JAK1: variants seen among roughly 807,000 people sequenced by gnomAD.
JAK1 encodes Janus kinase 1.
Under a neutral mutation model 136.6 loss-of-function variants are expected in JAK1, and 16 were observed. The ratio of observed to expected loss-of-function variants is 0.12; its 90% CI spans 0.08 to 0.18. JAK1 has a LOEUF of 0.18. Among genes scored for constraint, JAK1 ranks in the 10% least tolerant of loss-of-function variants. The probability of loss-of-function intolerance (pLI) is 1.00; values close to 1 mark genes in which losing one functional copy is unlikely to be tolerated. For missense variants in JAK1, 859 were observed against 1,450.1 expected (o/e 0.59, Z 6.62); for synonymous variants, 492 against 519.5 (o/e 0.95, Z 0.72).
intron 2 of JAK1, among the ~76,000 whole-genome samples, chr1:64,998,683 T>C (rs1286181490): frequency 1.3e-5 from 2 of 152,158 alleles, no homozygotes; most frequent in African/African-American, 2.4e-5. Context: ...GTCTTTTCCA[T>C]GCTATTCTTG....
At chr1:64,847,019 T>A (rs1013782492) in intron 13 of JAK1, 1 of 512,386 alleles carries the variant, frequency 2.0e-6, no homozygotes, top group Non-Finnish European at 3.5e-6. Flanking sequence ...TGGATACTCA[T>A]GCCCACCTCT....
At chr1:64,861,418 T>C (rs370849469) in intron 8 of JAK1, among the ~76,000 whole-genome samples, 51 of 152,204 alleles carry the variant, frequency 3.4e-4, no homozygotes, top group African/African-American at 1.1e-3. Context: ...GAAAGACACC[T>C]GTGTTGTAGA....
intron 2 of JAK1, among the ~76,000 whole-genome samples, chr1:65,008,454 A>G (rs2100764939): frequency 6.6e-6 from 1 of 151,786 alleles, no homozygotes; most frequent in Non-Finnish European, 1.5e-5. Context: ...TTTTTTCTTT[A>G]AGAGACAGAG....
intron 2 of JAK1, among the ~76,000 whole-genome samples, chr1:64,982,989 T>C (rs1010493486): frequency 6.6e-6 from 1 of 152,142 alleles, no homozygotes; most frequent in Non-Finnish European, 1.5e-5. Context: ...CACTGCTATG[T>C]GCATTTTTAT....
chr1:64,859,835 C>A, intron 9 of JAK1: 1 of 255,014 alleles, frequency 3.9e-6, no homozygotes, highest in Non-Finnish European at 7.5e-6. Context: ...AAGTGTAGTA[C>A]TTCTTGATCA....
At chr1:64,839,834 C>A in intron 19 of JAK1, 39 bp from the exon 20 acceptor site, 1 of 1,514,860 alleles carries the variant, frequency 6.6e-7, no homozygotes, top group East Asian at 2.3e-5. Context: ...CAGGGAAGCC[C>A]CATCGTAGGC....
chr1:64,840,352 C>T (rs1343845314), intron 19 of JAK1, among the ~76,000 whole-genome samples: 2 of 152,184 alleles, frequency 1.3e-5, no homozygotes, highest in African/African-American at 4.8e-5. Flanking sequence ...GGCACAGTGG[C>T]TGGCACACAG....
At chr1:64,970,096 C>A (rs1004288281), upstream of JAK1, among the ~76,000 whole-genome samples, 1 of 119,930 alleles carries the variant, frequency 8.3e-6, no homozygotes, top group Non-Finnish European at 1.6e-5. Flanking sequence ...TATGGTGCCA[C>A]TGCACTGAAG....
intron 2 of JAK1, among the ~76,000 whole-genome samples, chr1:65,003,189 G>A (rs1015832753): frequency 1.3e-5 from 2 of 152,052 alleles, no homozygotes; most frequent in Non-Finnish European, 2.9e-5. Context: ...AGAAAAGCGT[G>A]GGTGGGTGTC....
At chr1:64,893,706 A>C (rs1644972613) in intron 1 of JAK1, among the ~76,000 whole-genome samples, 1 of 152,260 alleles carries the variant, frequency 6.6e-6, no homozygotes, top group Admixed American at 6.5e-5. Context: ...AACTGAAAAA[A>C]GAAACAAATA....
intron 2 of JAK1, among the ~76,000 whole-genome samples, chr1:64,981,354 A>G (rs1451208800): frequency 6.6e-6 from 1 of 152,058 alleles, no homozygotes; most frequent in Admixed American, 6.6e-5. Context: ...TGTTGGTGCT[A>G]TATCTCCTTG....
chr1:64,928,288 G>A (rs972552023), intron 1 of JAK1, among the ~76,000 whole-genome samples: 6 of 152,192 alleles, frequency 3.9e-5, no homozygotes, highest in African/African-American at 1.2e-4. Flanking sequence ...GAGCAGAGAA[G>A]CCTGAAAGTT....
At chr1:64,968,582 A>T (rs189817710), upstream of JAK1, among the ~76,000 whole-genome samples, 1 of 152,122 alleles carries the variant, frequency 6.6e-6, no homozygotes, top group Admixed American at 6.5e-5. Flanking sequence ...TGAGGCCAGG[A>T]GTTTGACACC....
chr1:65,062,340 T>G (rs1422293860), intron 1 of JAK1, among the ~76,000 whole-genome samples: 1 of 152,236 alleles, frequency 6.6e-6, no homozygotes, highest in African/African-American at 2.4e-5. Flanking sequence ...CAGTTTTATA[T>G]GCCAGCTAAC....
intron 2 of JAK1, among the ~76,000 whole-genome samples, chr1:65,025,973 C>G (rs1185613551): frequency 2.0e-5 from 3 of 152,172 alleles, no homozygotes; most frequent in Non-Finnish European, 4.4e-5. Flanking sequence ...GCCACCACAC[C>G]CAGCCAAACC....
At chr1:64,903,888 G>A (rs2101490554) in intron 1 of JAK1, among the ~76,000 whole-genome samples, 1 of 152,270 alleles carries the variant, frequency 6.6e-6, no homozygotes, top group South Asian at 2.1e-4. Context: ...TCACAATCAA[G>A]CTCTAATTTG....
chr1:64,985,272 A>T (rs574256097), intron 2 of JAK1: 1 of 1,608,734 alleles, frequency 6.2e-7, no homozygotes, highest in African/African-American at 1.3e-5. Context: ...GAGCTGGAGC[A>T]TGATGGAAAT....
chr1:64,852,645 ATTC>A (rs1655673740), intron 11 of JAK1, among the ~76,000 whole-genome samples: 1 of 152,194 alleles, frequency 6.6e-6, no homozygotes, highest in South Asian at 2.1e-4. Context: ...TTTATGGACT[ATTC>A]TTTGCATGGG....
chr1:65,030,930 G>C (rs1345116903), intron 2 of JAK1, among the ~76,000 whole-genome samples: 1 of 152,078 alleles, frequency 6.6e-6, no homozygotes, highest in Non-Finnish European at 1.5e-5. Context: ...GAGGTGGGTG[G>C]AATGCTTAAG....
Sources: gnomAD v4.1 joint callset for allele counts (sites outside exome capture counted in the v4.1 genomes callset) on GRCh38, gnomAD v4.1.1 for gene constraint, MANE v1.5 for transcripts, NCBI Gene and HGNC (gene_info 2026-07-23, HGNC 2026-07-21) for gene names.